The following LEKR1 variants were observed in gnomAD, a reference collection of about 807,000 sequenced individuals.
LEKR1 encodes the protein leucine, glutamate and lysine rich 1.
In LEKR1, 59 loss-of-function variants were observed where a neutral mutation model predicts 72.4. The ratio of observed to expected loss-of-function variants is 0.82; its 90% confidence interval spans 0.66 to 1.01. The LOEUF is 1.01. LEKR1 is among the 50% of genes least tolerant of loss of function. LEKR1 has a pLI of 0.00. For missense variants in LEKR1, 728 were observed against 759.2 expected, an observed-to-expected ratio of 0.96 and a Z score of 0.48; for synonymous variants, 257 against 263.2, an observed-to-expected ratio of 0.98 and a Z score of 0.23.
At chr3:156,925,698 G>A (rs1038782256) in intron 4 of LEKR1, among the ~76,000 whole-genome samples, 2 of 151,850 alleles carry the variant, frequency 1.3e-5, no homozygotes, top group African/African-American at 2.4e-5. Flanking sequence ...TTGTAATTTG[G>A]TTAAAAATTC....
At chr3:156,929,778 T>C (rs1725041281) in intron 5 of LEKR1, among the ~76,000 whole-genome samples, 1 of 152,152 alleles carries the variant, frequency 6.6e-6, no homozygotes, top group Non-Finnish European at 1.5e-5. Flanking sequence ...AGGAAACTAT[T>C]TTTACTCTGC....
chr3:156,938,443 G>A (rs1237641812), intron 5 of LEKR1, among the ~76,000 whole-genome samples: 1 of 152,152 alleles, frequency 6.6e-6, no homozygotes, highest in South Asian at 2.1e-4. Context: ...GCAGTGGCAT[G>A]ATAACTCACT....
chr3:156,880,347 T>G (rs1013481720), intron 3 of LEKR1, among the ~76,000 whole-genome samples: 1 of 152,158 alleles, frequency 6.6e-6, no homozygotes, highest in Non-Finnish European at 1.5e-5. Flanking sequence ...AAATACAAAC[T>G]ACCATCAGAG....
At chr3:156,841,224 G>A (rs762994561) in intron 2 of LEKR1, among the ~76,000 whole-genome samples, 1 of 152,176 alleles carries the variant, frequency 6.6e-6, no homozygotes, top group African/African-American at 2.4e-5. Flanking sequence ...CACAGGCAGC[G>A]GGTAAGGCAT....
intron 6 of LEKR1, among the ~76,000 whole-genome samples, chr3:156,958,996 G>A (rs1253129254): frequency 1.3e-5 from 2 of 151,956 alleles, no homozygotes; most frequent in Non-Finnish European, 2.9e-5. Flanking sequence ...TCTTTTAAAT[G>A]CATGCCTAAC....
At chr3:156,899,063 G>A (rs1721501393) in intron 3 of LEKR1, among the ~76,000 whole-genome samples, 1 of 152,024 alleles carries the variant, frequency 6.6e-6, no homozygotes, top group Non-Finnish European at 1.5e-5. Context: ...GTGAAAGACA[G>A]GTTGCTGTCA....
intron 6 of LEKR1, among the ~76,000 whole-genome samples, chr3:156,972,443 T>C (rs1056213605): frequency 2.6e-5 from 4 of 151,916 alleles, no homozygotes; most frequent in African/African-American, 9.7e-5. Context: ...TGTATACACA[T>C]GTAACTAACC....
chr3:157,008,714 G>A (rs556609840), intron 9 of LEKR1, among the ~76,000 whole-genome samples: 1 of 152,220 alleles, frequency 6.6e-6, no homozygotes, highest in African/African-American at 2.4e-5. Context: ...ATTTTACCAA[G>A]CATGTTTGTA....
chr3:156,885,950 G>C (rs1435344325), intron 3 of LEKR1, among the ~76,000 whole-genome samples: 3 of 152,238 alleles, frequency 2.0e-5, no homozygotes, highest in African/African-American at 7.2e-5. Flanking sequence ...GTAGGGGGCT[G>C]TAAGCTTGCC....
At chr3:156,968,391 C>G (rs994980785) in intron 6 of LEKR1, among the ~76,000 whole-genome samples, 1 of 152,136 alleles carries the variant, frequency 6.6e-6, no homozygotes, top group South Asian at 2.1e-4. Context: ...ATCTCACATG[C>G]AGAGACACAC....
intron 7 of LEKR1, chr3:156,980,050 G>T (rs1730046070): frequency 6.6e-6 from 1 of 151,896 alleles, no homozygotes; most frequent in South Asian, 2.1e-4. Context: ...TTTTATTTCA[G>T]AAATTTCAAA....
chr3:157,033,245 G>C (rs368803882), intron 12 of LEKR1, among the ~76,000 whole-genome samples: 1 of 152,154 alleles, frequency 6.6e-6, no homozygotes, highest in African/African-American at 2.4e-5. Flanking sequence ...TAAGTCAAAA[G>C]GCAGAAATGA....
intron 2 of LEKR1, among the ~76,000 whole-genome samples, chr3:156,832,743 G>A (rs1327601853): frequency 6.6e-6 from 1 of 152,096 alleles, no homozygotes; most frequent in Non-Finnish European, 1.5e-5. Flanking sequence ...TATTTACTAC[G>A]GGTTAGGAGC....
At chr3:156,870,065 T>C (rs1717750318) in intron 3 of LEKR1, among the ~76,000 whole-genome samples, 1 of 152,122 alleles carries the variant, frequency 6.6e-6, no homozygotes, top group Non-Finnish European at 1.5e-5. Context: ...TTGGTCTATG[T>C]GTCTGTTTTT....
chr3:157,022,403 T>A (rs1320226619), intron 10 of LEKR1, among the ~76,000 whole-genome samples: 1 of 152,058 alleles, frequency 6.6e-6, no homozygotes, highest in African/African-American at 2.4e-5. Context: ...GTTCAGGAAG[T>A]GATGGTGGCC....
intron 3 of LEKR1, chr3:156,888,325 C>A (rs866390440): frequency 5.7e-6 from 4 of 702,142 alleles, no homozygotes; most frequent in Middle Eastern, 2.3e-4. Flanking sequence ...CATGCTTAGA[C>A]TGGAAGTAGA....
chr3:156,883,504 TTG>T (rs1301867508), intron 3 of LEKR1, among the ~76,000 whole-genome samples: 1 of 152,162 alleles, frequency 6.6e-6, no homozygotes, highest in Admixed American at 6.5e-5. Context: ...ATGATATGGT[TTG>T]TCTGTGTCCT....
intron 3 of LEKR1, among the ~76,000 whole-genome samples, chr3:156,900,747 A>G (rs897819823): frequency 3.9e-5 from 6 of 152,292 alleles, no homozygotes; most frequent in African/African-American, 1.4e-4. Context: ...GATCACTTAC[A>G]GTTGAAGAGA....
At chr3:157,033,637 A>G (rs1429083476) in intron 12 of LEKR1, among the ~76,000 whole-genome samples, 2 of 152,220 alleles carry the variant, frequency 1.3e-5, no homozygotes, top group East Asian at 3.8e-4. Context: ...GGTATAAGGT[A>G]AGATAGCAAG....
Sources: gnomAD v4.1 joint callset for allele counts (sites outside exome capture counted in the v4.1 genomes callset) on GRCh38, gnomAD v4.1.1 for gene constraint, MANE v1.5 for transcripts, NCBI Gene and HGNC (gene_info 2026-07-23, HGNC 2026-07-21) for gene names.